Variants in SPATA16 observed in about 807,000 individuals in gnomAD.
SPATA16 encodes the protein spermatogenesis-associated protein 16.
In SPATA16, 36 loss-of-function variants were observed where a neutral mutation model predicts 63.3. The ratio of observed to expected loss-of-function variants is 0.57; its 90% CI spans 0.44 to 0.75. SPATA16 has a LOEUF of 0.75. Ranked by LOEUF, SPATA16 falls within the 30% of genes least tolerant of loss-of-function variation. SPATA16 has a pLI of 0.00. For synonymous variants in SPATA16, 203 were observed against 216.7 expected (o/e 0.94, Z 0.56); for missense variants, 646 against 679.3 (o/e 0.95, Z 0.54).
chr3:173,059,085 C>T (rs1056036126), intron 2 of SPATA16, among the ~76,000 whole-genome samples: 4 of 151,994 alleles, frequency 2.6e-5, no homozygotes, highest in Admixed American at 2.6e-4. Flanking sequence ...ATTCAGAATG[C>T]CTGTGTGCTA....
intron 6 of SPATA16, 85 bp from the exon 7 acceptor site, chr3:172,925,577 T>C: frequency 6.5e-7 from 1 of 1,545,998 alleles, no homozygotes; most frequent in South Asian, 1.1e-5. Flanking sequence ...TCAGGAATTG[T>C]ACTTGGAAAA....
intron 2 of SPATA16, among the ~76,000 whole-genome samples, chr3:173,060,978 A>T (rs1230253133): frequency 6.6e-6 from 1 of 152,192 alleles, no homozygotes; most frequent in Admixed American, 6.5e-5. Context: ...GATTGCTAAT[A>T]GATTGAGTTG....
intron 1 of SPATA16, among the ~76,000 whole-genome samples, chr3:173,139,582 C>T (rs1214003424): frequency 6.6e-6 from 1 of 152,092 alleles, no homozygotes; most frequent in African/African-American, 2.4e-5. Context: ...GTTGGGGTAC[C>T]TATTCATTTA....
rs529804809 is a variant in SPATA16, at chr3:172,993,612, A to G, written c.849-16560T>C. Among the ~76,000 whole-genome samples, 6 of 152,248 alleles carry G rather than the reference A, an allele frequency of 3.9e-5. No individual in the cohort carries two copies. The South Asian group carries it at 8.3e-4, about 21-fold the overall frequency. ...CCTTGAGTGACAGCTTCTGATTATAATCTTCCTGTGGCATAATTACAATAA... is the reference window on the plus strand; with the variant it reads ...CCTTGAGTGACAGCTTCTGATTATAGTCTTCCTGTGGCATAATTACAATAA... On this transcript the variant is annotated intron_variant, in intron 4 of 10. Transcript: ENST00000351008.
At chr3:172,960,561 T>C (rs1733724905) in intron 5 of SPATA16, among the ~76,000 whole-genome samples, 1 of 152,202 alleles carries the variant, frequency 6.6e-6, no homozygotes, top group Non-Finnish European at 1.5e-5. Context: ...TAATTTCTCC[T>C]TGTACTGTAG....
chr3:172,997,570 C>T (rs1734720749), intron 4 of SPATA16, among the ~76,000 whole-genome samples: 1 of 151,552 alleles, frequency 6.6e-6, no homozygotes. Flanking sequence ...TTTTTATTTT[C>T]TTGACAGTGT....
intron 4 of SPATA16, among the ~76,000 whole-genome samples, chr3:172,980,694 T>C (rs1734283473): frequency 6.6e-6 from 1 of 152,170 alleles, no homozygotes; most frequent in Admixed American, 6.5e-5. Flanking sequence ...CTAGTTTCTT[T>C]TCTCTCTTTC....
chr3:173,017,013 CAAA>C (rs5854498), intron 4 of SPATA16, among the ~76,000 whole-genome samples: 10 of 140,214 alleles, frequency 7.1e-5, no homozygotes, highest in Non-Finnish European at 1.3e-4. Context: ...AAGACTGTCT[CAAA>C]AAAAAAAAAA....
intron 4 of SPATA16, among the ~76,000 whole-genome samples, chr3:173,013,440 G>A (rs1735114812): frequency 6.6e-6 from 1 of 152,230 alleles, no homozygotes; most frequent in African/African-American, 2.4e-5. Context: ...ATTATTGAGT[G>A]CACTCAGACC....
chr3:172,983,884 T>C (rs1159694350), intron 4 of SPATA16, among the ~76,000 whole-genome samples: 1 of 152,108 alleles, frequency 6.6e-6, no homozygotes, highest in Non-Finnish European at 1.5e-5. Flanking sequence ...TATGGTAGCC[T>C]ACAATTCTTA....
At chr3:172,921,941 C>T (rs1490915491) in intron 8 of SPATA16, among the ~76,000 whole-genome samples, 7 of 152,142 alleles carry the variant, frequency 4.6e-5, no homozygotes, top group African/African-American at 1.7e-4. Context: ...CAAATAATGA[C>T]AATTCAATGC....
chr3:173,107,280 A>G (rs1216241503), intron 2 of SPATA16, among the ~76,000 whole-genome samples: 1 of 152,160 alleles, frequency 6.6e-6, no homozygotes, highest in Non-Finnish European at 1.5e-5. Context: ...GGTGAATATC[A>G]TCACTATCAT....
intron 4 of SPATA16, among the ~76,000 whole-genome samples, chr3:172,990,945 G>C (rs572101452): frequency 6.6e-6 from 1 of 152,166 alleles, no homozygotes; most frequent in Non-Finnish European, 1.5e-5. Flanking sequence ...TATGAACTAA[G>C]AGATTTAAAG....
intron 5 of SPATA16, among the ~76,000 whole-genome samples, chr3:172,969,970 C>T (rs1734011209): frequency 6.6e-6 from 1 of 152,158 alleles, no homozygotes; most frequent in Non-Finnish European, 1.5e-5. Flanking sequence ...ACACTTGGAC[C>T]TCTCTGCAGC....
At chr3:172,926,548 A>G (rs568712182) in intron 6 of SPATA16, among the ~76,000 whole-genome samples, 3 of 152,250 alleles carry the variant, frequency 2.0e-5, no homozygotes, top group Non-Finnish European at 4.4e-5. Context: ...GCTCCAAAGC[A>G]GGCAAAGCCA....
At chr3:173,120,395 T>G (rs1738030092) in intron 1 of SPATA16, among the ~76,000 whole-genome samples, 1 of 152,202 alleles carries the variant, frequency 6.6e-6, no homozygotes, top group Non-Finnish European at 1.5e-5. Context: ...TTTAAGGGTT[T>G]CTGGTTCATT....
chr3:173,091,184 T>G (rs2108319488), intron 2 of SPATA16, among the ~76,000 whole-genome samples: 1 of 152,326 alleles, frequency 6.6e-6, no homozygotes, highest in East Asian at 1.9e-4. Context: ...AATATTTTTC[T>G]TGTAACCTTC....
chr3:173,093,351 A>G (rs932386128), intron 2 of SPATA16, among the ~76,000 whole-genome samples: 6 of 152,146 alleles, frequency 3.9e-5, no homozygotes, highest in Admixed American at 3.9e-4. Flanking sequence ...ACTCTGTCAG[A>G]TGCCATGTAC....
At chr3:173,090,751 C>G (rs1380547917) in intron 2 of SPATA16, among the ~76,000 whole-genome samples, 1 of 152,128 alleles carries the variant, frequency 6.6e-6, no homozygotes, top group Admixed American at 6.6e-5. Context: ...CCAGTATATT[C>G]AAATGGATAC....
Sources: gnomAD v4.1 joint callset for allele counts (sites outside exome capture counted in the v4.1 genomes callset) on GRCh38, gnomAD v4.1.1 for gene constraint, MANE v1.5 for transcripts, NCBI Gene and HGNC (gene_info 2026-07-23, HGNC 2026-07-21) for gene names.